Variants in SPATA4 observed in about 807,000 individuals in gnomAD.
The protein encoded by SPATA4 is spermatogenesis-associated protein 4.
Under a neutral mutation model 31.8 loss-of-function variants are expected in SPATA4, and 35 were observed. The observed-to-expected ratio is 1.10, with a 90% CI of 0.84 to 1.46. The LOEUF (loss-of-function observed/expected upper bound fraction) is 1.46. SPATA4 is among the 40% of genes most tolerant of loss of function. The pLI is 0.00. For synonymous variants in SPATA4, 126 were observed against 132.4 expected (o/e 0.95, Z 0.33); for missense variants, 394 against 363.1 (o/e 1.09, Z -0.69).
At chr4:176,193,153 T>C in intron 2 of SPATA4, 77 bp from the exon 3 acceptor site, 1 of 973,328 alleles carries the variant, frequency 1.0e-6, no homozygotes, top group Non-Finnish European at 1.5e-6. Flanking sequence ...TTCACTTTAA[T>C]CTCCCTTTTA....
At position 176,195,392 on chromosome 4, in the gene SPATA4, A is replaced by C; in HGVS notation, c.171T>G (p.Arg57=). Residue 57 remains arginine (R), a synonymous_variant, in exon 1 of 6, where the codon CGT becomes CGG. Transcript: ENST00000280191. ...KSSRLSRSVL[R]WLQGLDLSFF... ...AGCTGAGATCCAGACCCTGAAGCCA[A>C]CGCAGAACGGAACGAGACAAGCGGG... The C allele has an allele frequency of 1.9e-6, 3 of 1,614,218 alleles. No individual in the cohort carries two copies. Among genetic ancestry groups the C allele is most frequent in the African/African-American group, 2.7e-5 (2 of 75,064 alleles).
intron 3 of SPATA4, 27 bp from the exon 4 acceptor site, chr4:176,192,874 G>T (rs968376425): frequency 1.9e-6 from 3 of 1,600,736 alleles, no homozygotes; most frequent in South Asian, 1.1e-5. Context: ...AAATACTGTT[G>T]ACAAGCAACA....
At chr4:176,187,218 C>T (rs1003324604) in intron 5 of SPATA4, among the ~76,000 whole-genome samples, 1 of 152,092 alleles carries the variant, frequency 6.6e-6, no homozygotes, top group Non-Finnish European at 1.5e-5. Context: ...TCAAAGCAGC[C>T]GTAAGCAAGG....
At chr4:176,186,889 A>G (rs1460794169) in intron 5 of SPATA4, among the ~76,000 whole-genome samples, 1 of 152,140 alleles carries the variant, frequency 6.6e-6, no homozygotes, top group Non-Finnish European at 1.5e-5. Context: ...CTATGTAAAC[A>G]AATAACTTTT....
chr4:176,187,388 T>C (rs1413505570), intron 5 of SPATA4, among the ~76,000 whole-genome samples: 1 of 152,062 alleles, frequency 6.6e-6, no homozygotes, highest in African/African-American at 2.4e-5. Flanking sequence ...GTGGACTGCC[T>C]GAGCTCAGGA....
intron 5 of SPATA4, among the ~76,000 whole-genome samples, chr4:176,186,906 G>C (rs768787092): frequency 6.6e-6 from 1 of 151,626 alleles, no homozygotes; most frequent in Non-Finnish European, 1.5e-5. Context: ...TTTTATCCCC[G>C]GCGAAATCCC....
In SPATA4 at chr4:176,193,568, C is replaced by A; in HGVS notation, c.233G>T (p.Gly78Val). ...PRNINRDFSNGFLIAEIFCIY... is the reference protein window; with the variant it reads ...PRNINRDFSNVFLIAEIFCIY... Reference sequence around the variant, plus strand: ...ACAGAATATTTCTGCAATTAGGAAGCCATTTGAAAAATCTCTGATCCGTGG... The same window carrying A: ...ACAGAATATTTCTGCAATTAGGAAGACATTTGAAAAATCTCTGATCCGTGG... Residue 78 changes from glycine (G) to valine (V), a missense_variant, in exon 2 of 6, where the codon GGC becomes GTC. Coordinates refer to ENST00000280191, the MANE Select transcript of SPATA4 (RefSeq NM_144644.4). 2 of 1,604,778 alleles carry A rather than the reference C, an allele frequency of 1.2e-6. No individual in the cohort carries two copies. Among genetic ancestry groups the A allele is most frequent in the Non-Finnish European group, 8.5e-7 (1 of 1,177,090 alleles).
chr4:176,195,238 G>A (rs1752596359), intron 1 of SPATA4, 107 bp downstream of exon 1: 1 of 1,068,282 alleles, frequency 9.4e-7, no homozygotes, highest in Admixed American at 2.0e-5. Flanking sequence ...GGGGGGTCTT[G>A]ATTTGAAACA....
chr4:176,184,908 A>T lies in SPATA4; in HGVS notation c.806-16T>A, dbSNP rs1227595362. 6.8e-7 allele frequency: 1 copy of T among 1,476,114 alleles called. No individual in the cohort carries two copies. Among genetic ancestry groups the T allele is most frequent in the East Asian group, 2.3e-5 (1 of 42,796 alleles). 91.4% of individuals were successfully genotyped at this position (1,476,114 alleles called of 1,614,324 possible). On this transcript the variant is annotated splice_polypyrimidine_tract_variant and intron_variant, in intron 5 of 5. Coordinates refer to ENST00000280191, the MANE Select transcript of SPATA4 (RefSeq NM_144644.4). ...CCTATATTTGCTGGGACATTTAAAT[A>T]AGCAAAATTAAAATCAATTCATGGT... is the stretch of plus-strand genomic sequence containing the variant.
intron 5 of SPATA4, among the ~76,000 whole-genome samples, chr4:176,187,739 C>T (rs1752467961): frequency 6.6e-6 from 1 of 152,192 alleles, no homozygotes; most frequent in African/African-American, 2.4e-5. Context: ...AATCAAGTGA[C>T]TTCTTGTAAT....
At chr4:176,186,966 T>G (rs2126921432) in intron 5 of SPATA4, among the ~76,000 whole-genome samples, 2 of 152,326 alleles carry the variant, frequency 1.3e-5, no homozygotes, top group Admixed American at 1.3e-4. Context: ...ACACATTTTC[T>G]GTAAAGGGCT....
At chr4:176,189,453 A>C (rs1336401306) in intron 4 of SPATA4, among the ~76,000 whole-genome samples, 1 of 143,282 alleles carries the variant, frequency 7.0e-6, no homozygotes, top group Non-Finnish European at 1.6e-5. Flanking sequence ...AAGAAACAGA[A>C]AAAGAGAAAA....
intron 3 of SPATA4, 55 bp from the exon 4 acceptor site, chr4:176,192,902 A>G (rs1752555439): frequency 6.3e-7 from 1 of 1,587,626 alleles, no homozygotes; most frequent in Admixed American, 1.8e-5. Flanking sequence ...AATGAGTTTT[A>G]TATTATCAAA....
intron 1 of SPATA4, 80 bp downstream of exon 1, chr4:176,195,265 A>T: frequency 7.3e-7 from 1 of 1,375,658 alleles, no homozygotes; most frequent in Non-Finnish European, 1.0e-6. Context: ...AGGCCAGGGT[A>T]GGCAATCTGA....
rs1752554573 is a variant in SPATA4 at position 176,192,839 on chromosome 4, CT to C, written c.475del (p.Ser159ValfsTer7). ...GAAATTCACAAAGTCATCCTGGATACTTTTAATTCTGGAAATAAAAAATAAA... is the reference window on the plus strand; with the variant it reads ...GAAATTCACAAAGTCATCCTGGATACTTTAATTCTGGAAATAAAAAATAAA... ...YTLLTHREIK[S>X]IQDDFVNFTD... On this transcript the variant is annotated frameshift_variant, in exon 4 of 6. Transcript: ENST00000280191. LOFTEE classifies it high-confidence loss of function. The C allele has an allele frequency of 1.2e-6, 2 of 1,610,562 alleles. No homozygotes were observed. The highest frequency in any genetic ancestry group is 1.3e-5 in the African/African-American group (1 of 74,780).
intron 1 of SPATA4, 68 bp downstream of exon 1, chr4:176,195,277 G>A (rs1752596711): frequency 6.5e-7 from 1 of 1,531,134 alleles, no homozygotes; most frequent in Non-Finnish European, 9.0e-7. Flanking sequence ...GCAATCTGAG[G>A]CCTGGCAGGC....
At chr4:176,188,662 T>G (rs1338252067) in intron 4 of SPATA4, among the ~76,000 whole-genome samples, 2 of 152,204 alleles carry the variant, frequency 1.3e-5, no homozygotes, top group East Asian at 3.8e-4. Context: ...CTGACTTCTA[T>G]CATTATAGGT....
chr4:176,186,295 T>G (rs1298877075), intron 5 of SPATA4, among the ~76,000 whole-genome samples: 1 of 152,188 alleles, frequency 6.6e-6, no homozygotes, highest in African/African-American at 2.4e-5. Flanking sequence ...GTGACCCTGC[T>G]CTTTCCCTTT....
intron 4 of SPATA4, among the ~76,000 whole-genome samples, chr4:176,190,815 G>T (rs1329775982): frequency 6.6e-6 from 1 of 152,006 alleles, no homozygotes; most frequent in Non-Finnish European, 1.5e-5. Context: ...GCTTCTAAGG[G>T]TTTGTGTGAT....
Sources: gnomAD v4.1 joint callset for allele counts (sites outside exome capture counted in the v4.1 genomes callset) on GRCh38, gnomAD v4.1.1 for gene constraint, MANE v1.5 for transcripts, NCBI Gene and HGNC (gene_info 2026-07-23, HGNC 2026-07-21) for gene names.